RGS9: variants seen among roughly 807,000 people sequenced by gnomAD.
The protein encoded by RGS9 is regulator of G-protein signalling 9.
RGS9 carries 78 observed loss-of-function variants against 102.0 expected under a neutral mutation model. That is an observed-to-expected ratio of 0.76 (90% CI 0.64 to 0.92). The LOEUF (loss-of-function observed/expected upper bound fraction) is 0.92. Among genes scored for constraint, RGS9 ranks in the 40% least tolerant of loss-of-function variants. The pLI, the probability that RGS9 is intolerant of heterozygous loss-of-function variation, is 0.00. For synonymous variants in RGS9, 353 were observed against 318.6 expected, an observed-to-expected ratio of 1.11 and a Z score of -1.15; for missense variants, 833 against 866.1, an observed-to-expected ratio of 0.96 and a Z score of 0.48.
At chr17:65,187,272 C>T (rs1043035947) in intron 9 of RGS9, among the ~76,000 whole-genome samples, 4 of 152,094 alleles carry the variant, frequency 2.6e-5, no homozygotes, top group Admixed American at 1.3e-4. Flanking sequence ...ATTAATGGTG[C>T]CTTCATGTTG....
In RGS9 at chr17:65,225,345, G is replaced by A. The variant is rs1905606718; in HGVS notation, c.1751G>A (p.Arg584Lys). 2 of 1,611,662 alleles carry A rather than the reference G, an allele frequency of 1.2e-6. No individual in the cohort carries two copies. Among genetic ancestry groups the A allele is most frequent in the Non-Finnish European group, 8.5e-7 (1 of 1,180,028 alleles). ...GCCCGCATGGCTCTGTCCTTCAGCAGGTTTCTGAGACGAGGCTGTCTGGCC... is the reference window on the plus strand; with the variant it reads ...GCCCGCATGGCTCTGTCCTTCAGCAAGTTTCTGAGACGAGGCTGTCTGGCC... ...PKARMALSFSRFLRRGCLASP... is the reference protein window; with the variant it reads ...PKARMALSFSKFLRRGCLASP... Residue 584 changes from arginine to lysine, a missense_variant, in exon 18 of 19, where the codon AGG becomes AAG. Transcript: ENST00000262406.
rs1290350485 is a variant in RGS9, at chr17:65,192,045, C to T, written c.747-1498C>T. On this transcript the variant is annotated intron_variant, in intron 11 of 18. Transcript: ENST00000262406. Reference sequence around the variant, plus strand: ...CATTGACTCAGAAGGTCTGACTCAACTCAAGGGAATTAGCTTTTTTTAGAA... The same window carrying T: ...CATTGACTCAGAAGGTCTGACTCAATTCAAGGGAATTAGCTTTTTTTAGAA... Among the ~76,000 whole-genome samples the T allele has an allele frequency of 6.6e-5, 10 of 152,340 alleles. No homozygotes were observed. In the South Asian group the frequency reaches 2.1e-3, roughly 32 times the overall value.
At chr17:65,163,922 T>A (rs934789168) in intron 7 of RGS9, among the ~76,000 whole-genome samples, 1 of 152,112 alleles carries the variant, frequency 6.6e-6, no homozygotes, top group African/African-American at 2.4e-5. Context: ...TAGGGAGCCA[T>A]AGAATGATGT....
At chr17:65,194,365 T>C (rs540754690) in intron 12 of RGS9, among the ~76,000 whole-genome samples, 1 of 152,320 alleles carries the variant, frequency 6.6e-6, no homozygotes, top group African/African-American at 2.4e-5. Flanking sequence ...TGAACATTCG[T>C]GGGCAGGTTT....
At chr17:65,216,782 A>C (rs1913538082) in intron 17 of RGS9, among the ~76,000 whole-genome samples, 1 of 152,198 alleles carries the variant, frequency 6.6e-6, no homozygotes, top group African/African-American at 2.4e-5. Flanking sequence ...TAAGATCATC[A>C]AGTCTTATTT....
intron 1 of RGS9, among the ~76,000 whole-genome samples, chr17:65,140,941 C>G (rs532365104): frequency 6.6e-6 from 1 of 152,234 alleles, no homozygotes; most frequent in South Asian, 2.1e-4. Context: ...AATGCCTTCT[C>G]CCTGAACTAA....
rs372539120 is a variant in RGS9, at chr17:65,177,720, T to C, written c.583-12T>C. 30 of 1,613,252 alleles carry C rather than the reference T, an allele frequency of 1.9e-5. No individual in the cohort carries two copies. The highest frequency in any genetic ancestry group is 2.5e-5 in the Non-Finnish European group (29 of 1,179,244). On this transcript the variant is annotated splice_polypyrimidine_tract_variant and intron_variant, in intron 8 of 18. Transcript: ENST00000262406. ...CCCTGTAATGACCTTATGTTGTTTTTATTCCATTTAGCCTGGAATGGACAA... is the reference window on the plus strand; with the variant it reads ...CCCTGTAATGACCTTATGTTGTTTTCATTCCATTTAGCCTGGAATGGACAA...
intron 2 of RGS9, among the ~76,000 whole-genome samples, chr17:65,157,194 G>T (rs1277232859): frequency 2.0e-5 from 3 of 152,156 alleles, no homozygotes; most frequent in Admixed American, 1.3e-4. Context: ...CTGTTTCCAT[G>T]CAGACAGGCT....
intron 2 of RGS9, among the ~76,000 whole-genome samples, chr17:65,156,358 C>T (rs545282908): frequency 3.3e-5 from 5 of 152,306 alleles, no homozygotes; most frequent in African/African-American, 1.2e-4. Flanking sequence ...CAGTTGTGCA[C>T]CAGCTGCTTT....
chr17:65,202,444 T>TGTGTGTGTGTGTGTGTGTGTGTGTGAGA, intron 14 of RGS9, among the ~76,000 whole-genome samples: 1 of 131,786 alleles, frequency 7.6e-6, no homozygotes, highest in Admixed American at 7.7e-5. Context: ...TGTGTGTGTG[T>TGTGTGTGTGTGTGTGTGTGTGTGTGAGA]GAGAGAGAGA....
chr17:65,144,785 T>C (rs1910290278), intron 1 of RGS9, among the ~76,000 whole-genome samples: 1 of 152,208 alleles, frequency 6.6e-6, no homozygotes, highest in African/African-American at 2.4e-5. Context: ...GGGATGTTTC[T>C]GATTGAATAT....
chr17:65,161,716 T>A (rs1046682508), intron 6 of RGS9, among the ~76,000 whole-genome samples: 3 of 147,088 alleles, frequency 2.0e-5, no homozygotes, highest in South Asian at 2.1e-4. Flanking sequence ...ATATATTTAT[T>A]TATTTATTTA....
chr17:65,190,044 G>A, intron 10 of RGS9, 131 bp from the exon 11 acceptor site: 1 of 788,844 alleles, frequency 1.3e-6, no homozygotes, highest in Non-Finnish European at 2.3e-6. Context: ...CACTGGTACT[G>A]AGGGGGCTGG....
At chr17:65,185,035 C>G (rs1222517343) in intron 9 of RGS9, among the ~76,000 whole-genome samples, 3 of 152,052 alleles carry the variant, frequency 2.0e-5, no homozygotes, top group Non-Finnish European at 4.4e-5. Context: ...CATCCATACT[C>G]TTTCCTGAAT....
intron 1 of RGS9, among the ~76,000 whole-genome samples, chr17:65,141,072 C>T (rs1910140232): frequency 6.6e-6 from 1 of 152,222 alleles, no homozygotes; most frequent in Non-Finnish European, 1.5e-5. Flanking sequence ...TCCCGAGGTT[C>T]TCACACCCAT....
At chr17:65,159,594 C>T (rs187768040) in intron 3 of RGS9, among the ~76,000 whole-genome samples, 120 of 152,130 alleles carry the variant, frequency 7.9e-4, no homozygotes, top group African/African-American at 2.8e-3. Flanking sequence ...GGATGGAATC[C>T]TCCCCAGAGG....
At chr17:65,160,108 G>C in intron 3 of RGS9, 125 bp from the exon 4 acceptor site, 1 of 799,126 alleles carries the variant, frequency 1.3e-6, no homozygotes, top group Non-Finnish European at 2.2e-6. Flanking sequence ...TGTCCTCACT[G>C]CTCATGAGAT....
rs1339893025 is a variant in RGS9, at chr17:65,227,493, C to T, written c.*86C>T. ...GTATGGGCCACAGGACACACTTGCT[C>T]GAGAACCAAAGTGCATTTGGGTGAC... is the stretch of plus-strand genomic sequence containing the variant. On this transcript the variant is annotated 3_prime_UTR_variant, in exon 19 of 19. Coordinates refer to ENST00000262406, the MANE Select transcript of RGS9 (RefSeq NM_003835.4). 20 of 1,526,430 alleles carry T rather than the reference C, an allele frequency of 1.3e-5. No individual in the cohort carries two copies. The highest frequency in any genetic ancestry group is 2.1e-4 in the Middle Eastern group (1 of 4,844). 94.6% of individuals were successfully genotyped at this position (1,526,430 alleles called of 1,614,324 possible). A position where few individuals can be genotyped will look rare whatever the true frequency, so the allele number is the denominator to read the frequency against.
Position 65,225,586 on chromosome 17 carries a change from T to G in RGS9, c.1892+100T>G, listed in dbSNP as rs73994767. 0.014 allele frequency: 22,204 copies of G among 1,549,438 alleles called. 2,671 individuals are homozygous for G. In the African/African-American group the frequency reaches 0.26, roughly 18 times the overall value. ...GCTTTGGGCTGGGGACTGGGATGGG[T>G]GAGAACAGATACCCCAGGCAGCCCA... On this transcript the variant is annotated intron_variant, in intron 18 of 18. Transcript: ENST00000262406.
Sources: gnomAD v4.1 joint callset for allele counts (sites outside exome capture counted in the v4.1 genomes callset) on GRCh38, gnomAD v4.1.1 for gene constraint, MANE v1.5 for transcripts, NCBI Gene and HGNC (gene_info 2026-07-23, HGNC 2026-07-21) for gene names.